AUH: variants seen among roughly 807,000 people sequenced by gnomAD.
The protein encoded by AUH is AU RNA binding methylglutaconyl-CoA hydratase.
Under a neutral mutation model 42.3 loss-of-function variants are expected in AUH, and 29 were observed. The ratio of observed to expected loss-of-function variants is 0.69; its 90% CI spans 0.51 to 0.93. AUH has a LOEUF of 0.93. Among genes scored for constraint, AUH ranks in the 40% least tolerant of loss-of-function variants. The probability of loss-of-function intolerance (pLI) is 0.00; values close to 1 mark genes in which losing one functional copy is unlikely to be tolerated. For synonymous variants in AUH, 174 were observed against 166.4 expected (o/e 1.05, Z -0.35); for missense variants, 452 against 438.1 (o/e 1.03, Z -0.28).
At chr9:91,253,898 A>G (rs766105915) in intron 6 of AUH, among the ~76,000 whole-genome samples, 2 of 152,258 alleles carry the variant, frequency 1.3e-5, no homozygotes, top group Admixed American at 6.5e-5. Context: ...ATAAAGCACA[A>G]TTTAAGGAGA....
At chr9:91,335,808 A>G (rs1830647470) in intron 3 of AUH, among the ~76,000 whole-genome samples, 1 of 152,092 alleles carries the variant, frequency 6.6e-6, no homozygotes, top group Non-Finnish European at 1.5e-5. Context: ...ACTTTTTCTA[A>G]TTACGTTTTT....
At chr9:91,217,867 T>C (rs1826915759) in intron 7 of AUH, among the ~76,000 whole-genome samples, 1 of 152,168 alleles carries the variant, frequency 6.6e-6, no homozygotes, top group African/African-American at 2.4e-5. Flanking sequence ...CACATAAATA[T>C]GAAGTCTACA....
intron 6 of AUH, among the ~76,000 whole-genome samples, chr9:91,222,176 T>G (rs1587624836): frequency 6.6e-6 from 1 of 152,270 alleles, no homozygotes; most frequent in Non-Finnish European, 1.5e-5. Flanking sequence ...CCAATTTACC[T>G]CCAGTATTTT....
intron 6 of AUH, among the ~76,000 whole-genome samples, chr9:91,234,712 G>C (rs1828079056): frequency 6.6e-6 from 1 of 151,452 alleles, no homozygotes; most frequent in Non-Finnish European, 1.5e-5. Flanking sequence ...ACAGTGCTGA[G>C]TAAGATAGAC....
At chr9:91,266,272 G>A (rs1247545908) in intron 6 of AUH, among the ~76,000 whole-genome samples, 1 of 152,050 alleles carries the variant, frequency 6.6e-6, no homozygotes, top group African/African-American at 2.4e-5. Flanking sequence ...TGAGGCAGGA[G>A]AATCGCTTGA....
At chr9:91,250,160 C>T (rs986304960) in intron 6 of AUH, among the ~76,000 whole-genome samples, 15 of 152,156 alleles carry the variant, frequency 9.9e-5, no homozygotes, top group Admixed American at 7.2e-4. Flanking sequence ...CCTGCCAGGG[C>T]GAGCCTGGAG....
intron 1 of AUH, among the ~76,000 whole-genome samples, chr9:91,359,847 T>C (rs1427143613): frequency 1.3e-5 from 2 of 152,304 alleles, no homozygotes; most frequent in East Asian, 1.9e-4. Flanking sequence ...CTTGACCTCA[T>C]GTTTTTCTTT....
At chr9:91,236,459 T>C (rs1348898383) in intron 6 of AUH, among the ~76,000 whole-genome samples, 3 of 152,142 alleles carry the variant, frequency 2.0e-5, no homozygotes, top group Non-Finnish European at 4.4e-5. Context: ...CTAAGGTCAT[T>C]TGTAAGAAAG....
At chr9:91,237,004 A>C (rs562796243) in intron 6 of AUH, among the ~76,000 whole-genome samples, 1 of 152,322 alleles carries the variant, frequency 6.6e-6, no homozygotes, top group South Asian at 2.1e-4. Flanking sequence ...CATTTTAAAC[A>C]CCAATTACCT....
intron 7 of AUH, chr9:91,219,088 T>C (rs1197300639): frequency 1.0e-6 from 1 of 953,172 alleles, no homozygotes; most frequent in Non-Finnish European, 1.2e-6. Flanking sequence ...CTCGACACAC[T>C]GGCAGTGGAA....
chr9:91,248,834 G>A (rs1240165682), intron 6 of AUH, among the ~76,000 whole-genome samples: 1 of 152,142 alleles, frequency 6.6e-6, no homozygotes, highest in Non-Finnish European at 1.5e-5. Context: ...TAAAGTTGCA[G>A]TTTCCAAGAA....
chr9:91,251,945 T>C (rs1829149801), intron 6 of AUH, among the ~76,000 whole-genome samples: 1 of 152,180 alleles, frequency 6.6e-6, no homozygotes, highest in African/African-American at 2.4e-5. Context: ...CTTTTTATTT[T>C]TTTTAATCTC....
At chr9:91,345,649 C>T (rs369008182) in intron 3 of AUH, among the ~76,000 whole-genome samples, 1 of 151,566 alleles carries the variant, frequency 6.6e-6, no homozygotes, top group South Asian at 2.1e-4. Flanking sequence ...CTGGCTAATA[C>T]GGTGAAACCC....
At chr9:91,255,483 T>C (rs1177784563) in intron 6 of AUH, among the ~76,000 whole-genome samples, 1 of 152,228 alleles carries the variant, frequency 6.6e-6, no homozygotes, top group Non-Finnish European at 1.5e-5. Context: ...TACAAAAGAA[T>C]GTAGTTTTTA....
chr9:91,246,031 C>T (rs1305462078), intron 6 of AUH, among the ~76,000 whole-genome samples: 1 of 152,152 alleles, frequency 6.6e-6, no homozygotes, highest in Non-Finnish European at 1.5e-5. Flanking sequence ...GTGTGTCTCA[C>T]AGGAAACAGA....
chr9:91,298,195 G>C, intron 4 of AUH, 119 bp from the exon 5 acceptor site: 1 of 755,904 alleles, frequency 1.3e-6, no homozygotes, highest in Non-Finnish European at 2.3e-6. Context: ...ACAGACTTTT[G>C]TATCCCTTTT....
chr9:91,267,000 C>G (rs1476496849), intron 6 of AUH, among the ~76,000 whole-genome samples: 1 of 152,174 alleles, frequency 6.6e-6, no homozygotes, highest in Non-Finnish European at 1.5e-5. Flanking sequence ...CAAAGCTACT[C>G]AGGAGCAAAA....
rs777963106 is a variant in AUH, at chr9:91,220,988, C to T, written c.660G>A (p.Gly220=). The T allele has an allele frequency of 3.1e-6, 5 of 1,613,980 alleles. No individual in the cohort carries two copies. Among genetic ancestry groups the T allele is most frequent in the Non-Finnish European group, 4.2e-6 (5 of 1,180,026 alleles). The change falls in exon 7 of 10, where the codon GGG becomes GGA. Residue 220 remains glycine, a synonymous_variant. Coordinates refer to ENST00000375731, the MANE Select transcript of AUH (RefSeq NM_001698.3). ...CAATGGCGCGTGGCAATCGCTGTGTCCCCCCTGAGGGGTGAAAGAGAGAGA... is the reference window on the plus strand; with the variant it reads ...CAATGGCGCGTGGCAATCGCTGTGTTCCCCCTGAGGGGTGAAAGAGAGAGA... The part of the protein sequence containing the change: ...TKLAIIPGGG[G]TQRLPRAIGM...
chr9:91,334,057 T>C (rs1270951524), intron 3 of AUH, among the ~76,000 whole-genome samples: 2 of 152,162 alleles, frequency 1.3e-5, no homozygotes, highest in Non-Finnish European at 2.9e-5. Flanking sequence ...TAGACAGATG[T>C]GTGCACCTCC....
Sources: allele counts gnomAD v4.1 joint callset (sites outside exome capture counted in the v4.1 genomes callset), GRCh38; gene constraint gnomAD v4.1.1; transcripts MANE v1.5; gene names NCBI Gene and HGNC (gene_info 2026-07-23, HGNC 2026-07-21).